CCDC93: variants seen among roughly 807,000 people sequenced by gnomAD.
The protein encoded by CCDC93 is CCC complex scaffolding subunit CCDC93, also known as coiled-coil domain-containing protein 93.
Under a neutral mutation model 108.2 loss-of-function variants are expected in CCDC93, and 61 were observed. The observed-to-expected ratio is 0.56, with a 90% CI of 0.46 to 0.70. The LOEUF (loss-of-function observed/expected upper bound fraction) is 0.70, where lower values mean the gene tolerates loss of function less well. Ranked by LOEUF, CCDC93 falls within the 30% of genes least tolerant of loss-of-function variation. CCDC93 has a pLI of 0.00. For missense variants in CCDC93, 685 were observed against 764.2 expected, an observed-to-expected ratio of 0.90 and a Z score of 1.22; for synonymous variants, 276 against 260.4, an observed-to-expected ratio of 1.06 and a Z score of -0.58.
rs1431019639 is a variant in CCDC93, at chr2:117,916,158, C to A, written c.*4185G>T. ...TGCCTACATGTCACACTCCTGCCAC[C>A]ACCGTATCTAGTGCTGCCACCCACA... On this transcript the variant is annotated 3_prime_UTR_variant, in exon 24 of 24. Coordinates refer to ENST00000376300, the MANE Select transcript of CCDC93 (RefSeq NM_019044.5). The A allele has an allele frequency of 6.6e-6, 1 of 152,172 alleles. No individual in the cohort carries two copies. The highest frequency in any genetic ancestry group is 6.5e-5 in the Admixed American group (1 of 15,268). 9.4% of individuals were successfully genotyped at this position (152,172 alleles called of 1,614,324 possible).
intron 4 of CCDC93, chr2:117,998,167 T>C (rs1019636930): frequency 2.6e-5 from 4 of 152,152 alleles, no homozygotes; most frequent in Admixed American, 2.0e-4. Context: ...GGCCAGAAAT[T>C]AGATCTGCTT....
intron 12 of CCDC93, 148 bp from the exon 13 acceptor site, chr2:117,952,583 GA>G (rs1031707751): frequency 1.3e-4 from 81 of 631,792 alleles, no homozygotes; most frequent in African/African-American, 2.6e-4. Context: ...AACAAATGAA[GA>G]AAAAAACCTC....
chr2:117,991,328 G>A (rs1329434774), intron 6 of CCDC93, among the ~76,000 whole-genome samples: 1 of 152,158 alleles, frequency 6.6e-6, no homozygotes. Flanking sequence ...CCACTCTGTA[G>A]GCATTTGAGT....
intron 20 of CCDC93, among the ~76,000 whole-genome samples, chr2:117,937,813 ATTTATCAAATGTCTG>A (rs1316569227): frequency 3.3e-5 from 5 of 152,146 alleles, no homozygotes; most frequent in Non-Finnish European, 7.4e-5. Context: ...CTATTCAAAC[ATTTATCAAATGTCTG>A]TTATACGCCT....
chr2:117,969,397 G>T (rs557822515), intron 11 of CCDC93, among the ~76,000 whole-genome samples: 1 of 152,206 alleles, frequency 6.6e-6, no homozygotes, highest in Non-Finnish European at 1.5e-5. Flanking sequence ...CTGCAGCCTT[G>T]TAAGACTCAC....
At chr2:118,009,338 T>C (rs1392475512) in intron 1 of CCDC93, among the ~76,000 whole-genome samples, 2 of 152,068 alleles carry the variant, frequency 1.3e-5, no homozygotes, top group Non-Finnish European at 2.9e-5. Context: ...ACCACCGTAC[T>C]CCAGCCTGGA....
Position 117,919,699 on chromosome 2 carries a change from A to G in CCDC93, c.*644T>C, listed in dbSNP as rs938901129. The G allele has an allele frequency of 6.6e-6, 1 of 152,206 alleles. No homozygotes were observed. Among genetic ancestry groups the G allele is most frequent in the African/African-American group, 2.4e-5 (1 of 41,450 alleles). 9.4% of individuals were successfully genotyped at this position (152,206 alleles called of 1,614,324 possible). A position where few individuals can be genotyped will look rare whatever the true frequency, so the allele number is the denominator to read the frequency against. On this transcript the variant is annotated 3_prime_UTR_variant, in exon 24 of 24. Transcript: ENST00000376300. ...CGTATAAAAATTAAAACAACACTGA[A>G]CTTTCGTTCCAGTTGCTGTCACCAC...
intron 23 of CCDC93, among the ~76,000 whole-genome samples, 157 bp from the exon 24 acceptor site, chr2:117,920,553 G>A (rs1677827636): frequency 6.6e-6 from 1 of 152,216 alleles, no homozygotes; most frequent in Non-Finnish European, 1.5e-5. Flanking sequence ...GAAGCTTCCT[G>A]ATGACCTACT....
chr2:117,953,737 A>G (rs1375157542), intron 12 of CCDC93, among the ~76,000 whole-genome samples: 1 of 151,514 alleles, frequency 6.6e-6, no homozygotes, highest in Non-Finnish European at 1.5e-5. Context: ...CCAAAAAAAA[A>G]AAAAAAAAAT....
intron 23 of CCDC93, among the ~76,000 whole-genome samples, chr2:117,923,954 C>T (rs1483046611): frequency 6.6e-6 from 1 of 152,216 alleles, no homozygotes; most frequent in Non-Finnish European, 1.5e-5. Flanking sequence ...GATCAGGCAA[C>T]AACATTTGCT....
intron 6 of CCDC93, among the ~76,000 whole-genome samples, chr2:117,986,601 G>C (rs557363285): frequency 6.6e-6 from 1 of 152,282 alleles, no homozygotes; most frequent in South Asian, 2.1e-4. Flanking sequence ...GGTTTTACCA[G>C]ATACTGGCAT....
chr2:117,942,056 C>T (rs1678718557), intron 18 of CCDC93, among the ~76,000 whole-genome samples: 1 of 152,220 alleles, frequency 6.6e-6, no homozygotes, highest in Admixed American at 6.5e-5. Flanking sequence ...GAAATAGGAG[C>T]CTCCTGGTGG....
chr2:117,961,288 T>C (rs1332969997), intron 11 of CCDC93, among the ~76,000 whole-genome samples: 1 of 152,196 alleles, frequency 6.6e-6, no homozygotes, highest in Non-Finnish European at 1.5e-5. Context: ...ATATCTGTTA[T>C]AGTAGTATAT....
intron 3 of CCDC93, among the ~76,000 whole-genome samples, chr2:118,003,184 G>A (rs1261667396): frequency 5.9e-5 from 9 of 152,200 alleles, no homozygotes. Flanking sequence ...GCCCCACAGG[G>A]GAAGCCAGTG....
At chr2:117,998,793 T>C (rs1402153287) in intron 4 of CCDC93, 1 of 152,224 alleles carries the variant, frequency 6.6e-6, no homozygotes, top group East Asian at 1.9e-4. Flanking sequence ...CTTCACAGTT[T>C]GATGATATTG....
chr2:117,931,022 C>T lies in CCDC93; in HGVS notation c.1842+15G>A, dbSNP rs747752677. 3.3e-6 allele frequency: 5 copies of T among 1,534,362 alleles called. No homozygotes were observed. Among genetic ancestry groups the T allele is most frequent in the African/African-American group, 1.4e-5 (1 of 73,242 alleles). ...CTCACGTTAGCCTTAATGTGCTACC[C>T]AGCCTTCCTCTTACCTCCTTGAACT... is the stretch of plus-strand genomic sequence containing the variant. On this transcript the variant is annotated intron_variant, in intron 23 of 23. Coordinates refer to ENST00000376300, the MANE Select transcript of CCDC93 (RefSeq NM_019044.5).
rs867273470 is a variant in CCDC93 at position 117,974,862 on chromosome 2, C to A, written c.789G>T (p.Met263Ile). 1 of 1,571,594 alleles carries A rather than the reference C, an allele frequency of 6.4e-7. No homozygotes were observed. The highest frequency in any genetic ancestry group is 8.6e-7 in the Non-Finnish European group (1 of 1,157,642). Residue 263 changes from methionine (M) to isoleucine (I), a missense_variant, in exon 10 of 24, where the codon ATG becomes ATT. Physicochemically the swap from Met to Ile is conservative, Grantham distance 10. Coordinates refer to ENST00000376300, the MANE Select transcript of CCDC93 (RefSeq NM_019044.5). The part of the protein sequence containing the change: ...IQSLMTKMTA[M>I]ANEESRLTAS... ...GACTCCCACTCACCTCCTCATTTGCCATAGCGGTCATCTTGGTCATCAGCG... is the reference window on the plus strand; with the variant it reads ...GACTCCCACTCACCTCCTCATTTGCAATAGCGGTCATCTTGGTCATCAGCG...
chr2:117,969,298 C>T (rs1199352554), intron 11 of CCDC93, among the ~76,000 whole-genome samples: 3 of 152,158 alleles, frequency 2.0e-5, no homozygotes, highest in African/African-American at 7.2e-5. Context: ...AACTGGTGAC[C>T]TCAGTGAGCA....
rs1194275542 is a variant in CCDC93 at position 117,931,030 on chromosome 2, C to T, written c.1842+7G>A. ...AGCCTTAATGTGCTACCCAGCCTTC[C>T]TCTTACCTCCTTGAACTCTTTCACA... On this transcript the variant is annotated splice_region_variant and intron_variant, in intron 23 of 23. Transcript: ENST00000376300. 8 of 1,575,808 alleles carry T rather than the reference C, an allele frequency of 5.1e-6. No homozygotes were observed. Among genetic ancestry groups the T allele is most frequent in the Non-Finnish European group, 6.1e-6 (7 of 1,148,382 alleles).
Sources: gnomAD v4.1 joint callset for allele counts (sites outside exome capture counted in the v4.1 genomes callset) on GRCh38, gnomAD v4.1.1 for gene constraint, MANE v1.5 for transcripts, NCBI Gene and HGNC (gene_info 2026-07-23, HGNC 2026-07-21) for gene names.